MED12L: variants seen among roughly 807,000 people sequenced by gnomAD.
MED12L encodes mediator of RNA polymerase II transcription subunit 12-like protein.
MED12L carries 60 observed loss-of-function variants against 281.3 expected under a neutral mutation model. The observed-to-expected ratio is 0.21, with a 90% confidence interval of 0.17 to 0.26. The LOEUF (loss-of-function observed/expected upper bound fraction) is 0.26. MED12L is among the 10% of genes least tolerant of loss of function. MED12L has a pLI of 1.00. For missense variants in MED12L, 2,146 were observed against 2,680.9 expected (o/e 0.80, Z 4.41); for synonymous variants, 974 against 987.2 (o/e 0.99, Z 0.25).
chr3:151,430,208 C>G, intron 43 of MED12L, 91 bp from the exon 44 acceptor site: 1 of 1,581,470 alleles, frequency 6.3e-7, no homozygotes. Context: ...TGAGAAGTAC[C>G]TTACAGACTG....
intron 5 of MED12L, among the ~76,000 whole-genome samples, chr3:151,139,464 A>G (rs886213646): frequency 6.6e-6 from 1 of 152,194 alleles, no homozygotes; most frequent in African/African-American, 2.4e-5. Flanking sequence ...ATTTATAAAT[A>G]TTTTTATATG....
At chr3:151,171,446 C>A (rs1721421064) in intron 11 of MED12L, among the ~76,000 whole-genome samples, 1 of 152,178 alleles carries the variant, frequency 6.6e-6, no homozygotes, top group African/African-American at 2.4e-5. Flanking sequence ...TGCCTTTTCA[C>A]TTCTCTCTTT....
chr3:151,241,786 G>C (rs1054823441), intron 16 of MED12L: 1 of 153,616 alleles, frequency 6.5e-6, no homozygotes, highest in Non-Finnish European at 1.4e-5. Context: ...GAGGAGCCAA[G>C]ATGGCCCAAT....
intron 16 of MED12L, among the ~76,000 whole-genome samples, chr3:151,245,342 T>TAAA (rs1735174148): frequency 6.6e-6 from 1 of 151,804 alleles, no homozygotes; most frequent in East Asian, 1.9e-4. Context: ...ACCAATATCC[T>TAAA]TGATGAACAT....
rs554658841 is a variant in MED12L, at chr3:151,119,499, TC to T, written c.204+3059del. Reference sequence around the variant, plus strand: ...CTCCGTGGTGTCTCCTCTTATAAAGTCCTACTGGATTAGGGCCCAGTCCTGT... The same window carrying T: ...CTCCGTGGTGTCTCCTCTTATAAAGTCTACTGGATTAGGGCCCAGTCCTGT... On this transcript the variant is annotated intron_variant, in intron 3 of 44. Transcript: ENST00000687756. Among the ~76,000 whole-genome samples the T allele has an allele frequency of 2.6e-3, 398 of 152,274 alleles. 1 individual carries two copies. Among genetic ancestry groups the T allele is most frequent in the African/African-American group, 8.8e-3 (366 of 41,546 alleles).
At chr3:151,171,917 C>T (rs1453174236) in intron 11 of MED12L, among the ~76,000 whole-genome samples, 1 of 152,166 alleles carries the variant, frequency 6.6e-6, no homozygotes, top group African/African-American at 2.4e-5. Flanking sequence ...TTATCAGCCC[C>T]AAGTACCATG....
chr3:151,343,900 G>A (rs1752213459), intron 16 of MED12L, among the ~76,000 whole-genome samples: 1 of 152,114 alleles, frequency 6.6e-6, no homozygotes, highest in African/African-American at 2.4e-5. Flanking sequence ...TAGCTCTTAG[G>A]CTGTTTTAGT....
Position 151,270,155 on chromosome 3 carries a change from AC to A in MED12L, c.2250+76491del, listed in dbSNP as rs1740620411. 8.2e-5 allele frequency: 17 copies of A among 208,026 alleles called. No homozygotes were observed. In the South Asian group the frequency reaches 1.2e-3, roughly 15 times the overall value. 12.9% of individuals were successfully genotyped at this position (208,026 alleles called of 1,614,324 possible). On this transcript the variant is annotated intron_variant, in intron 16 of 44. Transcript: ENST00000687756. ...ACTAATAGAACACTGATAGGTTCCA[AC>A]CTTTTTAAAAATTTTCTCCAGTTCC...
chr3:151,222,676 C>G (rs1251872924), intron 16 of MED12L, among the ~76,000 whole-genome samples: 3 of 152,184 alleles, frequency 2.0e-5, no homozygotes, highest in Non-Finnish European at 4.4e-5. Flanking sequence ...GTAAATTGCC[C>G]ATTCTCAAAT....
chr3:151,133,378 G>T (rs983323596), intron 5 of MED12L, among the ~76,000 whole-genome samples: 4 of 152,156 alleles, frequency 2.6e-5, no homozygotes, highest in Non-Finnish European at 4.4e-5. Flanking sequence ...TTGCTGCCCT[G>T]GGGAGCTTGC....
At chr3:151,429,338 A>G (rs1719203685) in intron 43 of MED12L, among the ~76,000 whole-genome samples, 1 of 152,190 alleles carries the variant, frequency 6.6e-6, no homozygotes, top group African/African-American at 2.4e-5. Context: ...CCCTCCACAC[A>G]GGCAGCCTGG....
chr3:151,353,196 TTG>T (rs1470543405), intron 17 of MED12L, among the ~76,000 whole-genome samples: 2 of 152,198 alleles, frequency 1.3e-5, no homozygotes, highest in Non-Finnish European at 2.9e-5. Context: ...ATTATTTGTT[TTG>T]TCCCAGGAAG....
At chr3:151,193,322 AAT>A (rs1217748798) in intron 15 of MED12L, among the ~76,000 whole-genome samples, 166 bp from the exon 16 acceptor site, 1 of 152,238 alleles carries the variant, frequency 6.6e-6, no homozygotes, top group East Asian at 1.9e-4. Context: ...TACTGATCTG[AAT>A]ATGAATTTTG....
intron 28 of MED12L, 26 bp from the exon 29 acceptor site, chr3:151,376,774 G>A: frequency 2.5e-6 from 4 of 1,593,580 alleles, no homozygotes; most frequent in Middle Eastern, 1.7e-4. Flanking sequence ...TACCCATAAT[G>A]TTTTAATTCT....
chr3:151,255,717 C>G (rs914439238), intron 16 of MED12L, among the ~76,000 whole-genome samples: 1 of 152,138 alleles, frequency 6.6e-6, no homozygotes, highest in African/African-American at 2.4e-5. Flanking sequence ...CTTGTTTACT[C>G]CAGCATAGAG....
At chr3:151,425,880 A>G in intron 43 of MED12L, 2 of 401,260 alleles carry the variant, frequency 5.0e-6, no homozygotes, top group Non-Finnish European at 1.0e-5. Flanking sequence ...TCTTTGAAGG[A>G]TGAGTAGATT....
chr3:151,372,788 T>C lies in MED12L; in HGVS notation c.3864+22T>C, dbSNP rs758832838. On this transcript the variant is annotated intron_variant, in intron 27 of 44. Transcript: ENST00000687756. ...ACAGGTATTCTAATTTAATTTGCCTTTTACTTTGAGTACGTAACTCTTCTT... is the reference window on the plus strand; with the variant it reads ...ACAGGTATTCTAATTTAATTTGCCTCTTACTTTGAGTACGTAACTCTTCTT... The C allele has an allele frequency of 5.6e-6, 9 of 1,597,656 alleles. No homozygotes were observed. In the South Asian group the frequency reaches 9.9e-5, roughly 18 times the overall value.
At chr3:151,376,624 G>A (rs1756885491) in intron 28 of MED12L, among the ~76,000 whole-genome samples, 176 bp from the exon 29 acceptor site, 1 of 152,094 alleles carries the variant, frequency 6.6e-6, no homozygotes, top group African/African-American at 2.4e-5. Flanking sequence ...CTGTTTATTG[G>A]TTTGTATCGC....
At chr3:151,202,657 G>GA (rs2149162051) in intron 16 of MED12L, among the ~76,000 whole-genome samples, 1 of 152,292 alleles carries the variant, frequency 6.6e-6, no homozygotes, top group African/African-American at 2.4e-5. Flanking sequence ...GTGAAAAAGC[G>GA]AGACTCCTCA....
Sources: gnomAD v4.1 joint callset for allele counts (sites outside exome capture counted in the v4.1 genomes callset) on GRCh38, gnomAD v4.1.1 for gene constraint, MANE v1.5 for transcripts, NCBI Gene and HGNC (gene_info 2026-07-23, HGNC 2026-07-21) for gene names.